UNC5A: variants seen among roughly 807,000 people sequenced by gnomAD.
UNC5A encodes the protein unc-5 netrin receptor A.
A neutral mutation model predicts 87.4 loss-of-function variants in UNC5A; 20 were observed. That is an observed-to-expected ratio of 0.23 (90% confidence interval 0.16 to 0.33). The LOEUF (loss-of-function observed/expected upper bound fraction) is 0.33, where lower values mean the gene tolerates loss of function less well. UNC5A is among the 10% of genes least tolerant of loss of function. The probability of loss-of-function intolerance (pLI) is 1.00; values close to 1 mark genes in which losing one functional copy is unlikely to be tolerated. For missense variants in UNC5A, 844 were observed against 1,133.4 expected, an observed-to-expected ratio of 0.74 and a Z score of 3.67; for synonymous variants, 438 against 482.3, an observed-to-expected ratio of 0.91 and a Z score of 1.20.
chr5:176,853,323 G>A (rs1408939059), intron 1 of UNC5A, among the ~76,000 whole-genome samples: 2 of 152,250 alleles, frequency 1.3e-5, no homozygotes, highest in African/African-American at 2.4e-5. Flanking sequence ...CGGGGCGGAG[G>A]ACAGGCCTGG....
rs1561669563 is a variant in UNC5A at position 176,875,222 on chromosome 5, G to A, written c.1378+656G>A. 6.6e-6 allele frequency among the ~76,000 whole-genome samples: 1 copy of A among 152,112 alleles called. No homozygotes were observed. Among genetic ancestry groups the A allele is most frequent in the Non-Finnish European group, 1.5e-5 (1 of 68,020 alleles). On this transcript the variant is annotated intron_variant, in intron 8 of 14. Coordinates refer to ENST00000329542, the MANE Select transcript of UNC5A (RefSeq NM_133369.3). This position sits in a 1 kb window ranked among gnomAD's most constrained non-coding sequence, Gnocchi z 5.2. The stretch of plus-strand genomic sequence containing the variant: ...TGGCTTTAATCGCCGTGTCTGTGCA[G>A]ATAACTCCCACTCCCCCATCCTTAG...
In UNC5A at chr5:176,841,297, C is replaced by T. The variant is rs1267869460; in HGVS notation, c.71-21327C>T. Among the ~76,000 whole-genome samples the T allele has an allele frequency of 6.6e-6, 1 of 152,168 alleles. No individual in the cohort carries two copies. Among genetic ancestry groups the T allele is most frequent in the Admixed American group, 6.5e-5 (1 of 15,276 alleles). On this transcript the variant is annotated intron_variant, in intron 1 of 14. Transcript: ENST00000329542. This position sits in a 1 kb window ranked among gnomAD's most constrained non-coding sequence, Gnocchi z 4.1. ...ACAGAGCTGTGCCAGAGTGAGCCAG[C>T]CAGAGGTGAAGCGGGGACTCAGACT...
rs375741906 is a variant in UNC5A at position 176,852,213 on chromosome 5, C to T, written c.71-10411C>T. ...AGGCAGCTGGGCCGGCCACCTGCCT[C>T]TGCCAGGTGAGAGGTGAGGGAGGCT... is the stretch of plus-strand genomic sequence containing the variant. On this transcript the variant is annotated intron_variant, in intron 1 of 14. Coordinates refer to ENST00000329542, the MANE Select transcript of UNC5A (RefSeq NM_133369.3). Among the ~76,000 whole-genome samples the T allele has an allele frequency of 1.1e-3, 173 of 152,248 alleles. 1 individual carries two copies. The highest frequency in any genetic ancestry group is 3.7e-3 in the African/African-American group (155 of 41,536).
In UNC5A at chr5:176,877,188, C is replaced by G; in HGVS notation, c.1379-4C>G. On this transcript the variant is annotated splice_region_variant and splice_polypyrimidine_tract_variant and intron_variant, in intron 8 of 14. Transcript: ENST00000329542. ...AAGCCCTGGCCCTCTTCCTGCCGTT[C>G]CAGGAATCAGCCTCCTCATCCCCCC... 1 of 1,609,360 alleles carries G rather than the reference C, an allele frequency of 6.2e-7. No individual in the cohort carries two copies. The highest frequency in any genetic ancestry group is 1.1e-5 in the South Asian group (1 of 90,976).
chr5:176,814,553 C>T (rs1431777851), intron 1 of UNC5A, among the ~76,000 whole-genome samples: 1 of 152,236 alleles, frequency 6.6e-6, no homozygotes, highest in Admixed American at 6.5e-5. Flanking sequence ...CCCGCAGCTT[C>T]AGTCCAGCCC....
Position 176,865,336 on chromosome 5 carries a change from A to T in UNC5A, c.292+2491A>T, listed in dbSNP as rs1021038607. On this transcript the variant is annotated intron_variant, in intron 2 of 14. Coordinates refer to ENST00000329542, the MANE Select transcript of UNC5A (RefSeq NM_133369.3). The surrounding 1 kb of genome is among the most constrained non-coding windows in gnomAD (Gnocchi z 5.3). The stretch of plus-strand genomic sequence containing the variant: ...AACACCCCTGCCATTATGAGGGCTC[A>T]GATCCATGGACTGGCAGGAACCCAG... 3.3e-5 allele frequency among the ~76,000 whole-genome samples: 5 copies of T among 152,156 alleles called. No individual in the cohort carries two copies. The highest frequency in any genetic ancestry group is 7.4e-5 in the Non-Finnish European group (5 of 68,018).
chr5:176,845,190 C>G (rs1181292599), intron 1 of UNC5A, among the ~76,000 whole-genome samples: 1 of 152,144 alleles, frequency 6.6e-6, no homozygotes, highest in Non-Finnish European at 1.5e-5. Context: ...TGTTCCAGGT[C>G]AGGCAGCTCC....
In UNC5A at chr5:176,810,863, C is replaced by G. The variant is rs1199560924; in HGVS notation, c.70+43C>G. ...CGCTCTGGGGAGGCTTGCGGGGGAC[C>G]GTGCGCGCGAACGCTCGCTGCTCTG... On this transcript the variant is annotated intron_variant, in intron 1 of 14. Coordinates refer to ENST00000329542, the MANE Select transcript of UNC5A (RefSeq NM_133369.3). The surrounding 1 kb of genome is among the most constrained non-coding windows in gnomAD (Gnocchi z 7.3). 1.6e-6 allele frequency: 2 copies of G among 1,215,068 alleles called. No individual in the cohort carries two copies. The highest frequency in any genetic ancestry group is 3.3e-5 in the East Asian group (1 of 30,734). 75.3% of individuals were successfully genotyped at this position (1,215,068 alleles called of 1,614,324 possible).
At position 176,849,870 on chromosome 5, in the gene UNC5A, C is replaced by T. The variant is rs191867564; in HGVS notation, c.71-12754C>T. Among the ~76,000 whole-genome samples, 339 of 152,334 alleles carry T rather than the reference C, an allele frequency of 2.2e-3. 1 individual carries two copies. The highest frequency in any genetic ancestry group is 7.7e-3 in the African/African-American group (322 of 41,576). On this transcript the variant is annotated intron_variant, in intron 1 of 14. Coordinates refer to ENST00000329542, the MANE Select transcript of UNC5A (RefSeq NM_133369.3). ...GTTGCCAGCAGGGACAGAGATGACA[C>T]CCTACTGCCCACTCTTGGAGCTTGT...
At chr5:176,845,866 A>G (rs1197543237) in intron 1 of UNC5A, among the ~76,000 whole-genome samples, 5 of 152,234 alleles carry the variant, frequency 3.3e-5, no homozygotes, top group African/African-American at 7.2e-5. Flanking sequence ...AGGGAACAGC[A>G]TTCTGGGCAG....
rs1758315872 is a variant in UNC5A, at chr5:176,878,235, G to GCA, written c.1870-7_1870-6dup. The GCA allele has an allele frequency of 1.2e-6, 2 of 1,609,854 alleles. No individual in the cohort carries two copies. The highest frequency in any genetic ancestry group is 1.7e-6 in the Non-Finnish European group (2 of 1,179,020). On this transcript the variant is annotated splice_polypyrimidine_tract_variant and intron_variant, in intron 11 of 14. Transcript: ENST00000329542. The stretch of plus-strand genomic sequence containing the variant: ...GAGGGGCCTGGGCTGACCACCTGGG[G>GCA]CACTGCAGGAGGTGGTGCAGCTGGA...
At chr5:176,817,758 G>C (rs1042155560) in intron 1 of UNC5A, among the ~76,000 whole-genome samples, 27 of 152,104 alleles carry the variant, frequency 1.8e-4, no homozygotes, top group African/African-American at 6.0e-4. Flanking sequence ...CCGAGCCCAC[G>C]GCAGCCGGGG....
At chr5:176,811,789 C>G (rs904096799) in intron 1 of UNC5A, among the ~76,000 whole-genome samples, 68 of 152,176 alleles carry the variant, frequency 4.5e-4, no homozygotes, top group African/African-American at 1.6e-3. Flanking sequence ...GAGGCTTACC[C>G]TGGCAATTCT....
In UNC5A at chr5:176,848,276, A is replaced by T. The variant is rs192441756; in HGVS notation, c.71-14348A>T. On this transcript the variant is annotated intron_variant, in intron 1 of 14. Transcript: ENST00000329542. This position sits in a 1 kb window ranked among gnomAD's most constrained non-coding sequence, Gnocchi z 5.8. ...TACCCCAGCTTCTCTCTCCCCTGCT[A>T]CCCCAAAGCACAAGAGGGTGTGCAG... Among the ~76,000 whole-genome samples the T allele has an allele frequency of 1.6e-4, 25 of 151,826 alleles. No homozygotes were observed. In the East Asian group the frequency reaches 4.5e-3, roughly 27 times the overall value.
chr5:176,872,168 C>T (rs1199309342), intron 6 of UNC5A, among the ~76,000 whole-genome samples: 3 of 102,386 alleles, frequency 2.9e-5, no homozygotes, highest in African/African-American at 3.8e-5. Flanking sequence ...TTCCCATCTG[C>T]CCACACTCGC....
Position 176,862,691 on chromosome 5 carries a change from C to T in UNC5A, c.138C>T (p.Phe46=). 1 of 1,613,614 alleles carries T rather than the reference C, an allele frequency of 6.2e-7. No homozygotes were observed. The highest frequency in any genetic ancestry group is 8.5e-7 in the Non-Finnish European group (1 of 1,179,984). The part of the protein sequence containing the change: ...PGANPDLLPH[F]LVEPEDVYIV... ...CCAACCCGGACCTGCTTCCCCACTT[C>T]CTGGTGGAGCCCGAGGATGTGTACA... The change falls in exon 2 of 15, where the codon TTC becomes TTT. Residue 46 remains phenylalanine, a synonymous_variant. Transcript: ENST00000329542.
chr5:176,856,110 G>A (rs939309887), intron 1 of UNC5A, among the ~76,000 whole-genome samples: 4 of 151,582 alleles, frequency 2.6e-5, no homozygotes, highest in African/African-American at 4.8e-5. Flanking sequence ...CCCCAGGGAC[G>A]GAGGCCTTGC....
At chr5:176,847,882 C>T (rs1050362883) in intron 1 of UNC5A, among the ~76,000 whole-genome samples, 1 of 140,258 alleles carries the variant, frequency 7.1e-6, no homozygotes, top group Admixed American at 7.2e-5. Flanking sequence ...GAGAAATGGG[C>T]CTGCCCTTCC....
intron 1 of UNC5A, among the ~76,000 whole-genome samples, chr5:176,834,682 T>TCTCTCTCTCC: frequency 6.7e-6 from 1 of 150,142 alleles, no homozygotes; most frequent in Admixed American, 6.6e-5. Context: ...TCTCTCTCTC[T>TCTCTCTCTCC]CTCTCTCTCT....
Sources: allele counts gnomAD v4.1 joint callset (sites outside exome capture counted in the v4.1 genomes callset), GRCh38; gene constraint gnomAD v4.1.1; non-coding constraint Gnocchi (gnomAD v3.1); transcripts MANE v1.5; gene names NCBI Gene and HGNC (gene_info 2026-07-23, HGNC 2026-07-21).